Variants in USP48 observed in about 807,000 individuals in gnomAD.
USP48 encodes ubiquitin carboxyl-terminal hydrolase 48.
USP48 carries 43 observed loss-of-function variants against 150.7 expected under a neutral mutation model. The ratio of observed to expected loss-of-function variants is 0.29; its 90% CI spans 0.22 to 0.37. The LOEUF (loss-of-function observed/expected upper bound fraction) is 0.37. Ranked by LOEUF, USP48 falls within the 10% of genes least tolerant of loss-of-function variation. USP48 has a pLI of 1.00. For missense variants in USP48, 813 were observed against 1,249.6 expected, an observed-to-expected ratio of 0.65 and a Z score of 5.27; for synonymous variants, 396 against 425.9, an observed-to-expected ratio of 0.93 and a Z score of 0.86.
chr1:21,692,237 C>T (rs1191193636), intron 23 of USP48, among the ~76,000 whole-genome samples: 1 of 152,124 alleles, frequency 6.6e-6, no homozygotes, highest in Non-Finnish European at 1.5e-5. Flanking sequence ...GAAAAGTGCA[C>T]TGGCATCATC....
At chr1:21,756,279 G>A (rs1355111488) in intron 3 of USP48, among the ~76,000 whole-genome samples, 3 of 151,126 alleles carry the variant, frequency 2.0e-5, no homozygotes, top group East Asian at 1.9e-4. Flanking sequence ...TCAGGAGTTC[G>A]AGACTAGCCT....
chr1:21,742,116 T>C (rs1259262444), intron 8 of USP48, among the ~76,000 whole-genome samples: 1 of 152,170 alleles, frequency 6.6e-6, no homozygotes, highest in East Asian at 1.9e-4. Flanking sequence ...GGGGGCATTT[T>C]CATACTCCAA....
At chr1:21,752,351 A>G (rs1320945637) in intron 5 of USP48, among the ~76,000 whole-genome samples, 176 bp downstream of exon 5, 1 of 152,252 alleles carries the variant, frequency 6.6e-6, no homozygotes, top group Non-Finnish European at 1.5e-5. Flanking sequence ...GATGGGTGCA[A>G]CTGCAATTAC....
chr1:21,681,960 T>C (rs1454051875), intron 25 of USP48, among the ~76,000 whole-genome samples: 1 of 152,230 alleles, frequency 6.6e-6, no homozygotes, highest in Non-Finnish European at 1.5e-5. Context: ...CACTCCAATA[T>C]GGATCAGGTG....
chr1:21,753,032 C>A lies in USP48; in HGVS notation c.500G>T (p.Gly167Val). 1 of 1,610,956 alleles carries A rather than the reference C, an allele frequency of 6.2e-7. No homozygotes were observed. Among genetic ancestry groups the A allele is most frequent in the East Asian group, 2.2e-5 (1 of 44,792 alleles). ...GTCCAGGCCCAAGGCTTTAACAAAT[C>A]CTGATGGATCAATGTATCGCCTATT... The part of the protein sequence containing the change: ...NSNRRYIDPS[G>V]FVKALGLDTG... The change falls in exon 4 of 27, where the codon GGA becomes GTA. Residue 167 changes from glycine to valine, a missense_variant. Transcript: ENST00000308271.
At chr1:21,697,408 A>G (rs1268457281) in intron 22 of USP48, among the ~76,000 whole-genome samples, 5 of 152,190 alleles carry the variant, frequency 3.3e-5, no homozygotes, top group African/African-American at 4.8e-5. Flanking sequence ...TCATGCCTGT[A>G]ATCCCAGCAC....
intron 1 of USP48, chr1:21,781,957 C>T (rs1025523189): frequency 1.3e-5 from 2 of 152,182 alleles, no homozygotes; most frequent in Non-Finnish European, 2.9e-5. Context: ...ACTTCTCATA[C>T]TAGACTTTAA....
At position 21,750,844 on chromosome 1, in the gene USP48, T is replaced by G. The variant is rs181858469; in HGVS notation, c.774+663A>C. On this transcript the variant is annotated intron_variant, in intron 6 of 26. Transcript: ENST00000308271. ...TTGCAATGAGCCAAGATTGTGCCAT[T>G]GCATTCCAGCCTGGGCAACAAGAGA... Among the ~76,000 whole-genome samples, 63 of 150,900 alleles carry G rather than the reference T, an allele frequency of 4.2e-4. 1 individual carries two copies. The highest frequency in any genetic ancestry group is 3.4e-3 in the Admixed American group (51 of 15,118).
At chr1:21,708,995 G>A (rs1421227683) in intron 15 of USP48, among the ~76,000 whole-genome samples, 1 of 151,156 alleles carries the variant, frequency 6.6e-6, no homozygotes, top group East Asian at 1.9e-4. Context: ...CTGCAGCCTC[G>A]ACCTCCTGGG....
In USP48 at chr1:21,706,557, G is replaced by A. The variant is rs1025096464; in HGVS notation, c.2121C>T (p.Ala707=). The A allele has an allele frequency of 5.0e-6, 8 of 1,614,014 alleles. No homozygotes were observed. In the African/African-American group the frequency reaches 9.3e-5, roughly 19 times the overall value. ...ILEREGEENE[A]LHKMIANEQK... ...GCTCGTTTGCAATCATCTTATGTAA[G>A]GCTTCATTTTCTTCCCCTTCTCTTT... The change falls in exon 17 of 27, where the codon GCC becomes GCT. Residue 707 remains alanine (A), a synonymous_variant. Transcript: ENST00000308271.
Position 21,747,119 on chromosome 1 carries a change from G to A in USP48, c.939C>T (p.Thr313=). The A allele has an allele frequency of 6.2e-7, 1 of 1,611,344 alleles. No individual in the cohort carries two copies. The highest frequency in any genetic ancestry group is 2.2e-5 in the East Asian group (1 of 44,706). Residue 313 remains threonine (T), a synonymous_variant, in exon 8 of 27, where the codon ACC becomes ACT. Transcript: ENST00000308271. ...RQTGHKKKLN[T]YIGFSEILDM... is the part of the protein sequence containing the mutation. ...CCAAAATTTCTGAGAAGCCAATGTA[G>A]GTATTCAGCTTTTTCTTATGTCCAG...
chr1:21,702,854 T>TG (rs1230817886), intron 21 of USP48, among the ~76,000 whole-genome samples: 1 of 152,234 alleles, frequency 6.6e-6, no homozygotes, highest in Non-Finnish European at 1.5e-5. Context: ...CAGCCACACA[T>TG]GGCCAGTGAC....
chr1:21,748,287 A>T lies in USP48; in HGVS notation c.775-16T>A. 6.3e-7 allele frequency: 1 copy of T among 1,595,226 alleles called. No homozygotes were observed. Among genetic ancestry groups the T allele is most frequent in the African/African-American group, 1.3e-5 (1 of 74,100 alleles). On this transcript the variant is annotated splice_polypyrimidine_tract_variant and intron_variant, in intron 6 of 26. Coordinates refer to ENST00000308271, the MANE Select transcript of USP48 (RefSeq NM_032236.8). ...ATTTTTCTTCCTGATCAAGAATAAGACATATTAATTTTAAAAAGAAGATGG... is the reference window on the plus strand; with the variant it reads ...ATTTTTCTTCCTGATCAAGAATAAGTCATATTAATTTTAAAAAGAAGATGG...
intron 1 of USP48, among the ~76,000 whole-genome samples, chr1:21,761,878 T>C (rs915632869): frequency 1.5e-4 from 23 of 152,362 alleles, no homozygotes; most frequent in African/African-American, 5.0e-4. Context: ...TGAAATAAAG[T>C]AGAACCCATC....
At chr1:21,747,576 C>CT (rs112316099) in intron 7 of USP48, among the ~76,000 whole-genome samples, 76 of 148,008 alleles carry the variant, frequency 5.1e-4, no homozygotes, top group Middle Eastern at 3.5e-3. Flanking sequence ...GTTTTTCTTT[C>CT]TTTTTTTTTT....
intron 15 of USP48, among the ~76,000 whole-genome samples, chr1:21,707,965 C>T (rs2097677758): frequency 6.6e-6 from 1 of 152,066 alleles, no homozygotes; most frequent in African/African-American, 2.4e-5. Flanking sequence ...AGTTTGAGAC[C>T]AGCCTGGCCA....
chr1:21,695,133 C>T lies in USP48; in HGVS notation c.2816G>A (p.Arg939Lys). 4 of 1,613,610 alleles carry T rather than the reference C, an allele frequency of 2.5e-6. No individual in the cohort carries two copies. The highest frequency in any genetic ancestry group is 3.4e-6 in the Non-Finnish European group (4 of 1,179,852). ...KQVIRRSMRHRKVRGEKALLV... is the reference protein window; with the variant it reads ...KQVIRRSMRHKKVRGEKALLV... Reference sequence around the variant, plus strand: ...AAGTGCTTTCTCACCACGAACTTTTCTATGTCGCATACTTCGGCGAATAAC... The same window carrying T: ...AAGTGCTTTCTCACCACGAACTTTTTTATGTCGCATACTTCGGCGAATAAC... Residue 939 changes from arginine to lysine, a missense_variant, in exon 23 of 27, where the codon AGA becomes AAA. Coordinates refer to ENST00000308271, the MANE Select transcript of USP48 (RefSeq NM_032236.8).
chr1:21,752,307 C>G (rs190042245), intron 5 of USP48, among the ~76,000 whole-genome samples: 2 of 152,180 alleles, frequency 1.3e-5, no homozygotes, highest in Non-Finnish European at 2.9e-5. Context: ...GAGCAGACTG[C>G]AAGAGCTCAC....
chr1:21,773,054 C>G (rs2097886481), intron 1 of USP48, among the ~76,000 whole-genome samples: 1 of 151,228 alleles, frequency 6.6e-6, no homozygotes, highest in African/African-American at 2.4e-5. Context: ...GTCAGGAGTT[C>G]AAGACCAGCC....
Sources: gnomAD v4.1 joint callset for allele counts (sites outside exome capture counted in the v4.1 genomes callset) on GRCh38, gnomAD v4.1.1 for gene constraint, MANE v1.5 for transcripts, NCBI Gene and HGNC (gene_info 2026-07-23, HGNC 2026-07-21) for gene names.